Variants in CDC42BPA observed in about 807,000 individuals in gnomAD.
The protein encoded by CDC42BPA is serine/threonine-protein kinase MRCK alpha.
CDC42BPA carries 80 observed loss-of-function variants against 223.5 expected under a neutral mutation model. The observed-to-expected ratio is 0.36, with a 90% confidence interval of 0.30 to 0.43. The LOEUF is 0.43. Among genes scored for constraint, CDC42BPA ranks in the 20% least tolerant of loss-of-function variants. The pLI is 1.00. For missense variants in CDC42BPA, 1,743 were observed against 2,099.9 expected (o/e 0.83, Z 3.32); for synonymous variants, 694 against 718.6 (o/e 0.97, Z 0.55).
intron 6 of CDC42BPA, 71 bp from the exon 7 acceptor site, chr1:227,147,630 C>T (rs912733157): frequency 8.1e-6 from 6 of 738,928 alleles, no homozygotes; most frequent in African/African-American, 1.8e-5. Flanking sequence ...ACTTAAGATA[C>T]ACAATAGACA....
chr1:227,189,156 C>T (rs903935601), intron 5 of CDC42BPA, among the ~76,000 whole-genome samples: 2 of 152,062 alleles, frequency 1.3e-5, no homozygotes, highest in Non-Finnish European at 2.9e-5. Flanking sequence ...TTACAACTGC[C>T]GGTGTATCCC....
At chr1:227,067,978 T>C (rs2149027518) in intron 21 of CDC42BPA, among the ~76,000 whole-genome samples, 1 of 152,164 alleles carries the variant, frequency 6.6e-6, no homozygotes, top group East Asian at 1.9e-4. Flanking sequence ...TTATGCCAGG[T>C]AGTAAAGAGA....
intron 1 of CDC42BPA, among the ~76,000 whole-genome samples, chr1:227,281,323 T>TC (rs960591410): frequency 4.6e-5 from 7 of 151,502 alleles, no homozygotes; most frequent in Non-Finnish European, 7.4e-5. Flanking sequence ...GTCACTTTTT[T>TC]CCCCCACTCT....
chr1:227,090,738 G>C (rs538368447), intron 16 of CDC42BPA, among the ~76,000 whole-genome samples: 55 of 152,142 alleles, frequency 3.6e-4, no homozygotes, highest in Non-Finnish European at 6.2e-4. Context: ...TTGAACCCAG[G>C]AGGCGGAAGT....
chr1:227,061,559 T>G (rs550104454), intron 21 of CDC42BPA, among the ~76,000 whole-genome samples: 1 of 152,294 alleles, frequency 6.6e-6, no homozygotes, highest in Admixed American at 6.5e-5. Flanking sequence ...AAACTCCCAA[T>G]TAACTTCTAA....
chr1:227,312,493 T>C (rs1012995087), intron 1 of CDC42BPA, among the ~76,000 whole-genome samples: 1 of 152,174 alleles, frequency 6.6e-6, no homozygotes, highest in Non-Finnish European at 1.5e-5. Flanking sequence ...ATAAAATAAA[T>C]ATATGTCTAA....
At chr1:227,251,884 CA>C (rs1266654882) in intron 2 of CDC42BPA, among the ~76,000 whole-genome samples, 19 of 151,776 alleles carry the variant, frequency 1.3e-4, no homozygotes, top group African/African-American at 4.6e-4. Flanking sequence ...CATTATAACT[CA>C]ATAAGAAAAA....
At chr1:227,170,431 T>A (rs1307231492) in intron 5 of CDC42BPA, among the ~76,000 whole-genome samples, 1 of 150,170 alleles carries the variant, frequency 6.7e-6, no homozygotes, top group Non-Finnish European at 1.5e-5. Flanking sequence ...TGCCTAGTCC[T>A]GCCCAAATTT....
At chr1:227,218,916 C>A (rs1675353840) in intron 2 of CDC42BPA, among the ~76,000 whole-genome samples, 1 of 152,130 alleles carries the variant, frequency 6.6e-6, no homozygotes, top group Admixed American at 6.5e-5. Context: ...TAGAGATATC[C>A]TTTCTATGGA....
intron 1 of CDC42BPA, among the ~76,000 whole-genome samples, chr1:227,269,223 T>C (rs1324573753): frequency 6.6e-6 from 1 of 152,254 alleles, no homozygotes; most frequent in Admixed American, 6.5e-5. Context: ...GTAGGCCAGA[T>C]TTGTCTTGTG....
intron 21 of CDC42BPA, among the ~76,000 whole-genome samples, chr1:227,063,584 T>C (rs1456967583): frequency 6.6e-6 from 1 of 151,994 alleles, no homozygotes; most frequent in African/African-American, 2.4e-5. Flanking sequence ...TTGCCTAAGT[T>C]GAGGAAAAAA....
chr1:227,264,530 T>C (rs1328293486), intron 1 of CDC42BPA, among the ~76,000 whole-genome samples: 1 of 150,976 alleles, frequency 6.6e-6, no homozygotes, highest in Non-Finnish European at 1.5e-5. Context: ...CTTACTAGAA[T>C]GAAACATACA....
chr1:227,006,990 A>AACCACC (rs539524244), intron 34 of CDC42BPA, among the ~76,000 whole-genome samples: 2 of 141,154 alleles, frequency 1.4e-5, no homozygotes, highest in East Asian at 4.0e-4. Flanking sequence ...CAACAACAAC[A>AACCACC]ACCCCCCAGC....
chr1:227,156,057 TAA>T (rs1662686936), intron 6 of CDC42BPA, among the ~76,000 whole-genome samples: 1 of 151,970 alleles, frequency 6.6e-6, no homozygotes, highest in Non-Finnish European at 1.5e-5. Flanking sequence ...CCTCAAAAAA[TAA>T]GACAATAAAA....
chr1:227,031,635 T>C (rs1046494648), intron 27 of CDC42BPA, 121 bp from the exon 28 acceptor site: 2 of 724,650 alleles, frequency 2.8e-6, no homozygotes, highest in African/African-American at 3.5e-5. Context: ...AATGATACCA[T>C]TACTGGAGTT....
At chr1:227,278,670 T>C (rs545082634) in intron 1 of CDC42BPA, among the ~76,000 whole-genome samples, 1 of 152,294 alleles carries the variant, frequency 6.6e-6, no homozygotes, top group African/African-American at 2.4e-5. Context: ...TAATTGCGTT[T>C]TGGGGTCCTA....
At chr1:227,132,796 T>C (rs1054811668) in intron 10 of CDC42BPA, among the ~76,000 whole-genome samples, 31 of 126,208 alleles carry the variant, frequency 2.5e-4, no homozygotes, top group African/African-American at 9.2e-4. Context: ...CCGTCTGGGA[T>C]GTGAGGAGCG....
At chr1:227,067,238 G>T (rs1677271621) in intron 21 of CDC42BPA, among the ~76,000 whole-genome samples, 1 of 152,154 alleles carries the variant, frequency 6.6e-6, no homozygotes, top group Admixed American at 6.5e-5. Context: ...AGCAGTGGCA[G>T]AGTGCCTGTG....
At chr1:227,309,851 AC>A (rs1469483173) in intron 1 of CDC42BPA, among the ~76,000 whole-genome samples, 1 of 152,048 alleles carries the variant, frequency 6.6e-6, no homozygotes, top group Non-Finnish European at 1.5e-5. Flanking sequence ...GTCAAATTTC[AC>A]TCTACTTTTT....
Sources: gnomAD v4.1 joint callset for allele counts (sites outside exome capture counted in the v4.1 genomes callset) on GRCh38, gnomAD v4.1.1 for gene constraint, MANE v1.5 for transcripts, NCBI Gene and HGNC (gene_info 2026-07-23, HGNC 2026-07-21) for gene names.